The following KCNQ1 variants were observed in gnomAD, a reference collection of about 807,000 sequenced individuals.
The protein encoded by KCNQ1 is potassium voltage-gated channel subfamily KQT member 1.
A neutral mutation model predicts 72.4 loss-of-function variants in KCNQ1; 49 were observed. That is an observed-to-expected ratio of 0.68 (90% CI 0.54 to 0.86). The LOEUF (loss-of-function observed/expected upper bound fraction) is 0.86. KCNQ1 is among the 40% of genes least tolerant of loss of function. The pLI is 0.00. For synonymous variants in KCNQ1, 450 were observed against 412.6 expected, an observed-to-expected ratio of 1.09 and a Z score of -1.10; for missense variants, 790 against 945.1, an observed-to-expected ratio of 0.84 and a Z score of 2.15.
chr11:2,548,866 G>A (rs1332868844), intron 2 of KCNQ1, among the ~76,000 whole-genome samples: 1 of 152,222 alleles, frequency 6.6e-6, no homozygotes, highest in Non-Finnish European at 1.5e-5. Flanking sequence ...GGAGAAGTTC[G>A]CCATTGTCGA....
In KCNQ1 at chr11:2,587,581, G is replaced by A. The variant is rs199472771; in HGVS notation, c.1140G>A (p.Arg380=). Residue 380 remains arginine, a synonymous_variant, in exon 9 of 16, where the codon AGG becomes AGA. Transcript: ENST00000155840. ...CTGCCCGACCTCAGACCGCATGGAGGTGCTATGCTGCCGAGAACCCCGACT... is the reference window on the plus strand; with the variant it reads ...CTGCCCGACCTCAGACCGCATGGAGATGCTATGCTGCCGAGAACCCCGACT... The part of the protein sequence containing the change: ...AAASLIQTAW[R]CYAAENPDSS... The A allele has an allele frequency of 5.0e-6, 8 of 1,613,718 alleles. No homozygotes were observed. Among genetic ancestry groups the A allele is most frequent in the Middle Eastern group, 3.3e-4 (2 of 6,084 alleles).
chr11:2,761,591 C>T (rs779977922), intron 11 of KCNQ1, among the ~76,000 whole-genome samples: 7 of 152,202 alleles, frequency 4.6e-5, no homozygotes, highest in South Asian at 2.1e-4. Context: ...GCCCCTCTTC[C>T]GTATCACTAC....
At position 2,682,774 on chromosome 11, in the gene KCNQ1, G is replaced by A; in HGVS notation, c.1514+20693G>A. Reference sequence around the variant, plus strand: ...CTCTGTTGACATTCTAGAAATGCAGGGAAATCTGGGCACCATGAAATGCAG... The same window carrying A: ...CTCTGTTGACATTCTAGAAATGCAGAGAAATCTGGGCACCATGAAATGCAG... On this transcript the variant is annotated intron_variant, in intron 11 of 15. Coordinates refer to ENST00000155840, the MANE Select transcript of KCNQ1 (RefSeq NM_000218.3). The surrounding 1 kb of genome is among the most constrained non-coding windows in gnomAD (Gnocchi z 5.8). 2.5e-6 allele frequency: 1 copy of A among 398,628 alleles called. No individual in the cohort carries two copies. Among genetic ancestry groups the A allele is most frequent in the Non-Finnish European group, 4.4e-6 (1 of 226,082 alleles). The allele number at this position is 398,628 out of a possible 1,614,324, so 24.7% of individuals were successfully genotyped here.
In KCNQ1 at chr11:2,475,999, TACTG is replaced by T. The variant is rs1398285206; in HGVS notation, c.386+30518_386+30521del. On this transcript the variant is annotated intron_variant, in intron 1 of 15. Transcript: ENST00000155840. This position sits in a 1 kb window ranked among gnomAD's most constrained non-coding sequence, Gnocchi z 5.8. The stretch of plus-strand genomic sequence containing the variant: ...TATCAGCAGTGTGAAAACGGACTAA[TACTG>T]ACAATAAATTAAAAACTATTTAAAA... Among the ~76,000 whole-genome samples the T allele has an allele frequency of 1.3e-5, 2 of 152,212 alleles. No individual in the cohort carries two copies. The highest frequency in any genetic ancestry group is 2.4e-5 in the African/African-American group (1 of 41,464).
intron 1 of KCNQ1, among the ~76,000 whole-genome samples, chr11:2,487,406 C>T (rs1846757877): frequency 6.6e-6 from 1 of 152,004 alleles, no homozygotes; most frequent in Admixed American, 6.5e-5. Context: ...TCTATTTTTG[C>T]AAAAAGTGTC....
chr11:2,546,119 G>A (rs1847899827), intron 2 of KCNQ1, among the ~76,000 whole-genome samples: 2 of 151,356 alleles, frequency 1.3e-5, no homozygotes, highest in Admixed American at 6.6e-5. Flanking sequence ...TCTAATACAG[G>A]CACTTGGTGG....
At position 2,670,250 on chromosome 11, in the gene KCNQ1, G is replaced by A. The variant is rs570781640; in HGVS notation, c.1514+8169G>A. 7.5e-6 allele frequency: 3 copies of A among 398,580 alleles called. No homozygotes were observed. The highest frequency in any genetic ancestry group is 8.8e-6 in the Non-Finnish European group (2 of 226,068). 24.7% of individuals were successfully genotyped at this position (398,580 alleles called of 1,614,324 possible). On this transcript the variant is annotated intron_variant, in intron 11 of 15. Coordinates refer to ENST00000155840, the MANE Select transcript of KCNQ1 (RefSeq NM_000218.3). This position sits in a 1 kb window ranked among gnomAD's most constrained non-coding sequence, Gnocchi z 4.9. ...GCCTTTGACCCTGCACATGACGGGC[G>A]AGGGAAGAGGACCATGGTAGCTTGT...
intron 11 of KCNQ1, among the ~76,000 whole-genome samples, chr11:2,719,445 T>C (rs894072369): frequency 2.0e-5 from 3 of 150,176 alleles, no homozygotes; most frequent in South Asian, 2.1e-4. Flanking sequence ...CAGTGAGCCA[T>C]GATGACTGTG....
intron 11 of KCNQ1, among the ~76,000 whole-genome samples, chr11:2,749,128 C>T (rs231897): frequency 0.49 from 74,125 of 152,000 alleles, 18,425 homozygotes; most frequent in African/African-American, 0.56. Flanking sequence ...AGGCTCAGGC[C>T]AGGCCAAACA....
chr11:2,459,869 G>C (rs1489775702), intron 1 of KCNQ1, among the ~76,000 whole-genome samples: 1 of 152,082 alleles, frequency 6.6e-6, no homozygotes, highest in Non-Finnish European at 1.5e-5. Flanking sequence ...TGGGTCAGAG[G>C]ACTGGTTTAG....
At chr11:2,470,031 G>A (rs58558735) in intron 1 of KCNQ1, among the ~76,000 whole-genome samples, 46,853 of 151,830 alleles carry the variant, frequency 0.31, 8,425 homozygotes, top group African/African-American at 0.48. Context: ...GTGCTATGAC[G>A]GCTCACTGCA....
At chr11:2,744,123 G>A (rs917708461) in intron 11 of KCNQ1, among the ~76,000 whole-genome samples, 1 of 152,216 alleles carries the variant, frequency 6.6e-6, no homozygotes, top group Non-Finnish European at 1.5e-5. Flanking sequence ...GAAAATCAAT[G>A]TTTAGTCCCT....
chr11:2,676,538 G>A lies in KCNQ1; in HGVS notation c.1514+14457G>A. On this transcript the variant is annotated intron_variant, in intron 11 of 15. Coordinates refer to ENST00000155840, the MANE Select transcript of KCNQ1 (RefSeq NM_000218.3). This position sits in a 1 kb window ranked among gnomAD's most constrained non-coding sequence, Gnocchi z 4.2. ...CTTGGCAAAAGGCATAGAGGTAGTG[G>A]TACAGGAAAGGTCTAAGAAGGCTAA... 2.5e-6 allele frequency: 1 copy of A among 398,658 alleles called. No homozygotes were observed. Among genetic ancestry groups the A allele is most frequent in the Non-Finnish European group, 4.4e-6 (1 of 226,080 alleles). The allele number at this position is 398,658 out of a possible 1,614,324, so 24.7% of individuals were successfully genotyped here. A position where few individuals can be genotyped will look rare whatever the true frequency, so the allele number is the denominator to read the frequency against.
intron 11 of KCNQ1, among the ~76,000 whole-genome samples, chr11:2,701,339 C>G (rs956915076): frequency 2.2e-4 from 34 of 152,290 alleles, no homozygotes; most frequent in Middle Eastern, 3.4e-3. Context: ...CTGCCTCCTG[C>G]TCAGCCCACA....
intron 1 of KCNQ1, among the ~76,000 whole-genome samples, chr11:2,496,745 C>G (rs577964436): frequency 6.6e-6 from 1 of 151,898 alleles, no homozygotes; most frequent in Non-Finnish European, 1.5e-5. Flanking sequence ...GCTGGTTATT[C>G]TGCACATTAG....
In KCNQ1 at chr11:2,712,688, G is replaced by T. The variant is rs1034963909; in HGVS notation, c.1514+50607G>T. On this transcript the variant is annotated intron_variant, in intron 11 of 15. Coordinates refer to ENST00000155840, the MANE Select transcript of KCNQ1 (RefSeq NM_000218.3). The surrounding 1 kb of genome is among the most constrained non-coding windows in gnomAD (Gnocchi z 6.4). ...CATCCCTGCTCAGGCCTACAGGAGA[G>T]CCCTGTGGACACTCCAGCCTCAGCC... Among the ~76,000 whole-genome samples the T allele has an allele frequency of 3.3e-5, 5 of 152,234 alleles. No individual in the cohort carries two copies. Among genetic ancestry groups the T allele is most frequent in the African/African-American group, 9.7e-5 (4 of 41,448 alleles).
At chr11:2,636,756 C>T (rs1295288984) in intron 10 of KCNQ1, 3 of 152,220 alleles carry the variant, frequency 2.0e-5, no homozygotes, top group Non-Finnish European at 4.4e-5. Flanking sequence ...TTTCAGAAGG[C>T]ATAGTACCAG....
At chr11:2,514,783 G>A (rs374499536) in intron 1 of KCNQ1, among the ~76,000 whole-genome samples, 38 of 152,276 alleles carry the variant, frequency 2.5e-4, no homozygotes, top group African/African-American at 7.9e-4. Flanking sequence ...CCGAGATTGC[G>A]CCACTGCACT....
In KCNQ1 at chr11:2,613,349, A is replaced by T. The variant is rs1302977260; in HGVS notation, c.1393+24495A>T. The T allele has an allele frequency of 3.8e-5, 15 of 398,498 alleles. No individual in the cohort carries two copies. The highest frequency in any genetic ancestry group is 1.3e-4 in the South Asian group (1 of 7,858). The allele number at this position is 398,498 out of a possible 1,614,324, so 24.7% of individuals were successfully genotyped here. On this transcript the variant is annotated intron_variant, in intron 10 of 15. Transcript: ENST00000155840. This position sits in a 1 kb window ranked among gnomAD's most constrained non-coding sequence, Gnocchi z 4.8. ...TTCTTAATCTGTCGCTTGCCCAACC[A>T]GTATTGAAACATTAGGTTGCTGTGA...
Sources: gnomAD v4.1 joint callset for allele counts (sites outside exome capture counted in the v4.1 genomes callset) on GRCh38, gnomAD v4.1.1 for gene constraint, Gnocchi (gnomAD v3.1) non-coding constraint, MANE v1.5 for transcripts, NCBI Gene and HGNC (gene_info 2026-07-23, HGNC 2026-07-21) for gene names.